The following SORL1 variants were observed in gnomAD, a reference collection of about 807,000 sequenced individuals.
SORL1 encodes the protein sortilin-related receptor.
In SORL1, 127 loss-of-function variants were observed where a neutral mutation model predicts 273.7. That is an observed-to-expected ratio of 0.46 (90% CI 0.40 to 0.54). The LOEUF (loss-of-function observed/expected upper bound fraction) is 0.54. SORL1 is among the 20% of genes least tolerant of loss of function. The pLI is 0.00. For synonymous variants in SORL1, 1,031 were observed against 1,067.4 expected (o/e 0.97, Z 0.66); for missense variants, 2,494 against 2,846.1 (o/e 0.88, Z 2.81).
intron 12 of SORL1, among the ~76,000 whole-genome samples, chr11:121,540,379 T>G (rs982119048): frequency 6.6e-6 from 1 of 151,924 alleles, no homozygotes; most frequent in African/African-American, 2.4e-5. Flanking sequence ...TTTCATAACT[T>G]AAGAATGCAA....
At position 121,522,688 on chromosome 11, in the gene SORL1, C is replaced by T. The variant is rs368229596; in HGVS notation, c.1507C>T (p.Leu503Phe). The T allele has an allele frequency of 6.2e-7, 1 of 1,613,096 alleles. No individual in the cohort carries two copies. Among genetic ancestry groups the T allele is most frequent in the South Asian group, 1.1e-5 (1 of 91,074 alleles). ...PILSKESAPG[L>F]IIATGSVGKN... ...CCTGTCCAAGGAGTCGGCTCCAGGC[C>T]TCATCATCGCCACTGGTAAGTGTGC... is the stretch of plus-strand genomic sequence containing the variant. Residue 503 changes from leucine to phenylalanine, a missense_variant, in exon 10 of 48, where the codon CTC (leucine) becomes TTC (phenylalanine). Transcript: ENST00000260197.
At chr11:121,587,958 G>A in intron 27 of SORL1, 62 bp from the exon 28 acceptor site, 11 of 1,600,562 alleles carry the variant, frequency 6.9e-6, no homozygotes, top group Non-Finnish European at 9.4e-6. Context: ...ACTTGCCCAG[G>A]GCTAGAGGGC....
intron 12 of SORL1, among the ~76,000 whole-genome samples, chr11:121,537,498 G>A (rs992455013): frequency 6.6e-6 from 1 of 152,094 alleles, no homozygotes; most frequent in Non-Finnish European, 1.5e-5. Flanking sequence ...AGGCTTGCAG[G>A]GCTGTATATT....
intron 1 of SORL1, among the ~76,000 whole-genome samples, chr11:121,460,164 G>T (rs957004734): frequency 1.3e-5 from 2 of 152,156 alleles, no homozygotes; most frequent in Non-Finnish European, 2.9e-5. Flanking sequence ...CTTTCTGGGG[G>T]TTTTTTAAAT....
At chr11:121,561,180 G>A (rs1862666517) in intron 21 of SORL1, among the ~76,000 whole-genome samples, 2 of 152,218 alleles carry the variant, frequency 1.3e-5, no homozygotes, top group African/African-American at 4.8e-5. Context: ...TTGTATGCAT[G>A]TGCTTGTTTG....
chr11:121,570,368 C>T, intron 23 of SORL1, 98 bp downstream of exon 23: 1 of 761,564 alleles, frequency 1.3e-6, no homozygotes, highest in Non-Finnish European at 2.2e-6. Context: ...CGAGGGCCAC[C>T]CATGATTGGT....
intron 1 of SORL1, among the ~76,000 whole-genome samples, chr11:121,458,057 G>T (rs143813545): frequency 1.1e-4 from 17 of 152,322 alleles, no homozygotes; most frequent in African/African-American, 3.4e-4. Flanking sequence ...AGCCAGCTTT[G>T]TTCCACCCAC....
At chr11:121,610,766 T>A (rs1403781269) in intron 38 of SORL1, 2 of 259,196 alleles carry the variant, frequency 7.7e-6, no homozygotes, top group East Asian at 1.7e-4. Context: ...GAATGATCCC[T>A]GTTCCTTTAA....
chr11:121,560,491 G>C (rs1565336749), intron 21 of SORL1, among the ~76,000 whole-genome samples: 1 of 152,200 alleles, frequency 6.6e-6, no homozygotes, highest in African/African-American at 2.4e-5. Context: ...TTACCAGGAA[G>C]AATAGTCCCT....
chr11:121,565,513 T>C lies in SORL1; in HGVS notation c.3050-1427T>C, dbSNP rs140544573. 3.8e-3 allele frequency among the ~76,000 whole-genome samples: 585 copies of C among 152,362 alleles called. 3 individuals are homozygous for C. Among genetic ancestry groups the C allele is most frequent in the African/African-American group, 0.013 (559 of 41,584 alleles). ...CCAGGATAGGCATGGCTTAGATGAA[T>C]GCTTGGCTGGGTGGCAACAGATGAT... On this transcript the variant is annotated intron_variant, in intron 21 of 47. Transcript: ENST00000260197.
chr11:121,538,625 T>A (rs1344734797), intron 12 of SORL1, among the ~76,000 whole-genome samples: 1 of 152,178 alleles, frequency 6.6e-6, no homozygotes, highest in African/African-American at 2.4e-5. Flanking sequence ...AAACTACATG[T>A]GGAGCTTTAT....
chr11:121,492,341 A>T (rs1003224295), intron 5 of SORL1, among the ~76,000 whole-genome samples: 1 of 152,102 alleles, frequency 6.6e-6, no homozygotes, highest in Non-Finnish European at 1.5e-5. Context: ...AGCCTGTGCG[A>T]CAGACCAAGA....
chr11:121,623,497 G>A lies in SORL1; in HGVS notation c.6171+1229G>A, dbSNP rs1219060417. 2.0e-5 allele frequency among the ~76,000 whole-genome samples: 3 copies of A among 152,240 alleles called. No individual in the cohort carries two copies. In the South Asian group the frequency reaches 6.2e-4, roughly 31 times the overall value. ...ACAGCAAGAAAGAGGAAACAGCCGA[G>A]ATGCCGAACAGAAGAGGATGGGTTA... On this transcript the variant is annotated intron_variant, in intron 45 of 47. Coordinates refer to ENST00000260197, the MANE Select transcript of SORL1 (RefSeq NM_003105.6).
chr11:121,607,497 T>C (rs1442432450), intron 37 of SORL1, among the ~76,000 whole-genome samples: 1 of 152,224 alleles, frequency 6.6e-6, no homozygotes, highest in Non-Finnish European at 1.5e-5. Context: ...TCAGAGTTTC[T>C]GTAGATAACC....
chr11:121,579,501 C>G (rs1862984050), intron 25 of SORL1, among the ~76,000 whole-genome samples: 2 of 152,162 alleles, frequency 1.3e-5, no homozygotes, highest in African/African-American at 4.8e-5. Flanking sequence ...CTTTATTCAC[C>G]TCAACCCACC....
chr11:121,524,384 G>C (rs1248283929), intron 11 of SORL1, among the ~76,000 whole-genome samples: 1 of 152,262 alleles, frequency 6.6e-6, no homozygotes, highest in Non-Finnish European at 1.5e-5. Flanking sequence ...GATTACCGGG[G>C]CAGCTGTCAG....
chr11:121,539,824 G>T (rs189471435), intron 12 of SORL1, among the ~76,000 whole-genome samples: 59 of 152,292 alleles, frequency 3.9e-4, no homozygotes, highest in African/African-American at 1.4e-3. Context: ...ATGGATGAAT[G>T]TGTATCAAGT....
chr11:121,458,388 C>A (rs1860940835), intron 1 of SORL1, among the ~76,000 whole-genome samples: 1 of 151,952 alleles, frequency 6.6e-6, no homozygotes, highest in African/African-American at 2.4e-5. Flanking sequence ...GTATTAAAAC[C>A]TGGGGGCATT....
chr11:121,608,240 C>CA (rs1863508222), intron 38 of SORL1, 64 bp downstream of exon 38: 1 of 1,329,976 alleles, frequency 7.5e-7, no homozygotes, highest in African/African-American at 1.5e-5. Context: ...AAATGACTTT[C>CA]AGTATGACCG....
Sources: gnomAD v4.1 joint callset for allele counts (sites outside exome capture counted in the v4.1 genomes callset) on GRCh38, gnomAD v4.1.1 for gene constraint, MANE v1.5 for transcripts, NCBI Gene and HGNC (gene_info 2026-07-23, HGNC 2026-07-21) for gene names.